FSTL5: variants seen among roughly 807,000 people sequenced by gnomAD.
FSTL5 encodes the protein follistatin-related protein 5.
In FSTL5, 62 loss-of-function variants were observed where a neutral mutation model predicts 89.1. That is an observed-to-expected ratio of 0.70 (90% CI 0.57 to 0.86). The LOEUF is 0.86. Among genes scored for constraint, FSTL5 ranks in the 40% least tolerant of loss-of-function variants. The probability of loss-of-function intolerance (pLI) is 0.00; values close to 1 mark genes in which losing one functional copy is unlikely to be tolerated. For synonymous variants in FSTL5, 383 were observed against 346.2 expected (o/e 1.11, Z -1.18); for missense variants, 1,057 against 1,001.6 (o/e 1.06, Z -0.75).
intron 3 of FSTL5, among the ~76,000 whole-genome samples, chr4:161,936,891 AC>A (rs1034482618): frequency 1.3e-5 from 2 of 152,176 alleles, no homozygotes; most frequent in African/African-American, 2.4e-5. Flanking sequence ...TCTTTGAAGA[AC>A]TTTTTATGTA....
intron 4 of FSTL5, among the ~76,000 whole-genome samples, chr4:161,843,265 T>G (rs531290282): frequency 6.6e-6 from 1 of 152,196 alleles, no homozygotes; most frequent in Non-Finnish European, 1.5e-5. Flanking sequence ...TTTAGTTCCA[T>G]ATGAAATTTA....
At chr4:161,820,492 A>G (rs541232614) in intron 4 of FSTL5, among the ~76,000 whole-genome samples, 3 of 152,208 alleles carry the variant, frequency 2.0e-5, no homozygotes, top group Admixed American at 2.0e-4. Context: ...ATATCTGCTC[A>G]CCAAACCCAT....
intron 12 of FSTL5, among the ~76,000 whole-genome samples, chr4:161,490,683 C>T (rs1233404739): frequency 1.3e-5 from 2 of 152,054 alleles, no homozygotes; most frequent in Non-Finnish European, 2.9e-5. Flanking sequence ...GAAAAAATTA[C>T]TCTGAAATGC....
chr4:161,858,084 G>A (rs1316420612), intron 4 of FSTL5, among the ~76,000 whole-genome samples: 1 of 152,084 alleles, frequency 6.6e-6, no homozygotes, highest in East Asian at 1.9e-4. Flanking sequence ...GAGTGATTAG[G>A]TCATGAGACA....
At position 162,071,227 on chromosome 4, in the gene FSTL5, G is replaced by T. The variant is rs186017086; in HGVS notation, c.127-37569C>A. 1.6e-3 allele frequency among the ~76,000 whole-genome samples: 245 copies of T among 151,648 alleles called. 1 individual carries two copies. The highest frequency in any genetic ancestry group is 1.6e-3 in the Non-Finnish European group (110 of 67,712). ...AAAATGAAATAAAATACAACAAGAT[G>T]CAACTGTATGCTGCCTATAAGAAAT... On this transcript the variant is annotated intron_variant, in intron 2 of 15. Coordinates refer to ENST00000306100, the MANE Select transcript of FSTL5 (RefSeq NM_020116.5).
At chr4:161,932,388 T>C (rs1015014286) in intron 3 of FSTL5, among the ~76,000 whole-genome samples, 1 of 151,892 alleles carries the variant, frequency 6.6e-6, no homozygotes, top group Non-Finnish European at 1.5e-5. Flanking sequence ...TTTTTATTCA[T>C]AAGCTTTGAT....
intron 3 of FSTL5, among the ~76,000 whole-genome samples, chr4:161,953,306 TAGTA>T (rs1446213433): frequency 1.3e-5 from 2 of 151,624 alleles, no homozygotes; most frequent in Non-Finnish European, 3.0e-5. Context: ...ATGTAAAACT[TAGTA>T]AGACTAGATA....
Position 161,427,503 on chromosome 4 carries a change from G to A in FSTL5, c.1841+27501C>T, listed in dbSNP as rs561190971. Reference sequence around the variant, plus strand: ...TTGCTAAGTATTCCTTAGACTCTACGTCAGTCTAAGATGCCTTCACCCAAA... The same window carrying A: ...TTGCTAAGTATTCCTTAGACTCTACATCAGTCTAAGATGCCTTCACCCAAA... On this transcript the variant is annotated intron_variant, in intron 15 of 15. Transcript: ENST00000306100. Among the ~76,000 whole-genome samples, 24 of 152,238 alleles carry A rather than the reference G, an allele frequency of 1.6e-4. No homozygotes were observed. The South Asian group carries it at 2.1e-3, about 13-fold the overall frequency.
chr4:162,161,905 G>A (rs1015694781), intron 1 of FSTL5, among the ~76,000 whole-genome samples: 2 of 151,994 alleles, frequency 1.3e-5, no homozygotes, highest in Non-Finnish European at 2.9e-5. Flanking sequence ...ATGATTCTCT[G>A]TGTATTTAAA....
chr4:161,872,453 T>C (rs865844141), intron 4 of FSTL5, among the ~76,000 whole-genome samples: 1 of 152,152 alleles, frequency 6.6e-6, no homozygotes, highest in Non-Finnish European at 1.5e-5. Context: ...CCTTCAAAAA[T>C]TTTCACATTT....
chr4:161,828,728 A>T (rs1730745247), intron 4 of FSTL5, among the ~76,000 whole-genome samples: 1 of 152,138 alleles, frequency 6.6e-6, no homozygotes, highest in African/African-American at 2.4e-5. Context: ...TAAATAATAG[A>T]TGGTCTAAAC....
At chr4:161,646,614 T>C (rs1736163627) in intron 7 of FSTL5, among the ~76,000 whole-genome samples, 1 of 152,122 alleles carries the variant, frequency 6.6e-6, no homozygotes, top group Admixed American at 6.5e-5. Flanking sequence ...AAAATCTTTT[T>C]ACAAACAAAA....
intron 2 of FSTL5, among the ~76,000 whole-genome samples, chr4:162,038,738 A>T (rs1158908751): frequency 6.6e-6 from 1 of 151,876 alleles, no homozygotes; most frequent in East Asian, 1.9e-4. Flanking sequence ...TCCTGAAGAA[A>T]CACTAAAAAT....
intron 6 of FSTL5, among the ~76,000 whole-genome samples, chr4:161,751,986 T>G (rs1437392818): frequency 1.3e-5 from 2 of 152,184 alleles, no homozygotes; most frequent in African/African-American, 4.8e-5. Flanking sequence ...CAAATCAAGG[T>G]AAGCTTAGAA....
rs191790371 is a variant in FSTL5 at position 161,533,099 on chromosome 4, T to C, written c.1312+5067A>G. Among the ~76,000 whole-genome samples, 177 of 151,402 alleles carry C rather than the reference T, an allele frequency of 1.2e-3. 1 individual carries two copies. The highest frequency in any genetic ancestry group is 2.1e-3 in the Non-Finnish European group (146 of 67,908). ...GCAGTGTTAAGAGAAAAGTTCATAG[T>C]GGTAAATACCTGCATCAAGAGGTTA... On this transcript the variant is annotated intron_variant, in intron 10 of 15. Transcript: ENST00000306100.
chr4:162,076,681 A>C (rs959184401), intron 2 of FSTL5, among the ~76,000 whole-genome samples: 1 of 151,768 alleles, frequency 6.6e-6, no homozygotes, highest in Non-Finnish European at 1.5e-5. Context: ...TACAAATATG[A>C]GGGTGGGGCA....
chr4:162,030,068 TTTTA>T (rs894382210), intron 3 of FSTL5, among the ~76,000 whole-genome samples: 21 of 152,100 alleles, frequency 1.4e-4, no homozygotes, highest in Middle Eastern at 3.4e-3. Context: ...CTGGCTAATT[TTTTA>T]TTTATTTATT....
chr4:161,401,200 A>G (rs1731167818), intron 15 of FSTL5, among the ~76,000 whole-genome samples: 1 of 152,186 alleles, frequency 6.6e-6, no homozygotes, highest in South Asian at 2.1e-4. Context: ...TTTTATAGCT[A>G]CTTTGATTCT....
At chr4:161,729,348 T>C (rs1299766090) in intron 6 of FSTL5, among the ~76,000 whole-genome samples, 1 of 152,154 alleles carries the variant, frequency 6.6e-6, no homozygotes, top group Admixed American at 6.6e-5. Context: ...TTCCCATCAA[T>C]TTTCCTGTGA....
Sources: allele counts gnomAD v4.1 joint callset (sites outside exome capture counted in the v4.1 genomes callset), GRCh38; gene constraint gnomAD v4.1.1; transcripts MANE v1.5; gene names NCBI Gene and HGNC (gene_info 2026-07-23, HGNC 2026-07-21).